THSD4: variants seen among roughly 807,000 people sequenced by gnomAD.
THSD4 encodes the protein thrombospondin type-1 domain-containing protein 4.
In THSD4, 69 loss-of-function variants were observed where a neutral mutation model predicts 119.0. That is an observed-to-expected ratio of 0.58 (90% CI 0.48 to 0.71). The LOEUF (loss-of-function observed/expected upper bound fraction) is 0.71, where lower values mean the gene tolerates loss of function less well. Among genes scored for constraint, THSD4 ranks in the 30% least tolerant of loss-of-function variants. THSD4 has a pLI of 0.00. For missense variants in THSD4, 1,393 were observed against 1,391.1 expected, an observed-to-expected ratio of 1.00 and a Z score of -0.02; for synonymous variants, 524 against 540.4, an observed-to-expected ratio of 0.97 and a Z score of 0.42.
chr15:71,185,522 A>G (rs1438346466), intron 3 of THSD4: 1 of 147,440 alleles, frequency 6.8e-6, no homozygotes, highest in Non-Finnish European at 1.5e-5. Flanking sequence ...AGTGAAAAAA[A>G]TAACAACAAT....
At chr15:71,104,263 T>C (rs1023856897) in intron 1 of THSD4, among the ~76,000 whole-genome samples, 2 of 129,748 alleles carry the variant, frequency 1.5e-5, no homozygotes, top group African/African-American at 5.8e-5. Flanking sequence ...CAATAACTCT[T>C]TATTATATGG....
intron 7 of THSD4, among the ~76,000 whole-genome samples, chr15:71,470,684 G>A (rs974826933): frequency 1.3e-5 from 2 of 151,104 alleles, no homozygotes; most frequent in East Asian, 1.9e-4. Context: ...GCCAGACTGC[G>A]GACTGCAGTG....
intron 6 of THSD4, among the ~76,000 whole-genome samples, chr15:71,329,496 C>T (rs62015510): frequency 0.011 from 1,706 of 152,286 alleles, 18 homozygotes; most frequent in Non-Finnish European, 0.017. Context: ...TCCTTTGCTG[C>T]CTCCTTAACA....
chr15:71,156,384 A>G (rs960775384), intron 3 of THSD4, among the ~76,000 whole-genome samples: 1 of 151,882 alleles, frequency 6.6e-6, no homozygotes, highest in African/African-American at 2.4e-5. Flanking sequence ...CATCCTCCCA[A>G]GTAGCTGAGA....
intron 7 of THSD4, among the ~76,000 whole-genome samples, chr15:71,459,376 CTCTG>C (rs780591698): frequency 1.5e-4 from 16 of 109,130 alleles, no homozygotes; most frequent in South Asian, 9.6e-4. Context: ...CTCTCTGTCT[CTCTG>C]TCTCTCTCTC....
intron 6 of THSD4, among the ~76,000 whole-genome samples, chr15:71,390,742 G>A: frequency 6.6e-6 from 1 of 151,156 alleles, no homozygotes; most frequent in Middle Eastern, 3.2e-3. Context: ...TGGGATTACT[G>A]TCAGAAAAAA....
intron 7 of THSD4, among the ~76,000 whole-genome samples, chr15:71,583,393 G>A (rs150489205): frequency 5.3e-5 from 8 of 150,302 alleles, no homozygotes; most frequent in Admixed American, 5.3e-4. Context: ...TGTTTTTCTA[G>A]TTTTATTTCA....
intron 8 of THSD4, among the ~76,000 whole-genome samples, chr15:71,696,167 A>G (rs929914815): frequency 1.3e-5 from 2 of 152,224 alleles, no homozygotes; most frequent in Non-Finnish European, 2.9e-5. Flanking sequence ...ATTTATAAAG[A>G]AAAGAGGTTT....
intron 6 of THSD4, among the ~76,000 whole-genome samples, chr15:71,318,412 AT>A (rs2045220870): frequency 6.6e-6 from 1 of 152,184 alleles, no homozygotes; most frequent in South Asian, 2.1e-4. Flanking sequence ...CACCTGGGAC[AT>A]TTGTTCCTTT....
chr15:71,741,772 C>A (rs139218263), intron 11 of THSD4, among the ~76,000 whole-genome samples: 25 of 152,192 alleles, frequency 1.6e-4, no homozygotes, highest in African/African-American at 6.0e-4. Context: ...ATGTCTAGCT[C>A]TTCTTTACCC....
At chr15:71,237,465 T>C (rs2044114713) in intron 4 of THSD4, among the ~76,000 whole-genome samples, 1 of 152,170 alleles carries the variant, frequency 6.6e-6, no homozygotes, top group Non-Finnish European at 1.5e-5. Flanking sequence ...GGAGGAAAGA[T>C]GGTCAATCCG....
chr15:71,265,497 G>A (rs1430822144), intron 6 of THSD4, among the ~76,000 whole-genome samples: 1 of 152,122 alleles, frequency 6.6e-6, no homozygotes, highest in Non-Finnish European at 1.5e-5. Context: ...CACCACCAGG[G>A]CCCTGGGTTT....
intron 1 of THSD4, among the ~76,000 whole-genome samples, chr15:71,122,523 C>T (rs531464208): frequency 2.5e-4 from 38 of 152,300 alleles, no homozygotes; most frequent in African/African-American, 9.1e-4. Context: ...TCTTCTTGGC[C>T]TCTTTCACAT....
At chr15:71,398,520 G>A (rs930578642) in intron 6 of THSD4, among the ~76,000 whole-genome samples, 1 of 151,820 alleles carries the variant, frequency 6.6e-6, no homozygotes, top group African/African-American at 2.4e-5. Context: ...GGAGTGAAAG[G>A]GAGGAGGAGA....
In THSD4 at chr15:71,780,501, C is replaced by G; in HGVS notation, c.*3127C>G. Reference sequence around the variant, plus strand: ...GTTCTCTCTGTAGAAAAGGGATGGCCTAAGAAATACAACTAAAAAAACAAA... The same window carrying G: ...GTTCTCTCTGTAGAAAAGGGATGGCGTAAGAAATACAACTAAAAAAACAAA... On this transcript the variant is annotated 3_prime_UTR_variant, in exon 18 of 18. Transcript: ENST00000261862. 3.4e-6 allele frequency: 1 copy of G among 297,082 alleles called. No homozygotes were observed. Among genetic ancestry groups the G allele is most frequent in the South Asian group, 3.2e-5 (1 of 31,154 alleles). 18.4% of individuals were successfully genotyped at this position (297,082 alleles called of 1,614,324 possible).
intron 8 of THSD4, among the ~76,000 whole-genome samples, chr15:71,696,587 G>A (rs141673559): frequency 1.4e-3 from 208 of 152,278 alleles, no homozygotes; most frequent in African/African-American, 4.7e-3. Context: ...CCAATTAGCT[G>A]AAGATAATGG....
chr15:71,374,419 A>G (rs1007482727), intron 6 of THSD4, among the ~76,000 whole-genome samples: 1 of 152,230 alleles, frequency 6.6e-6, no homozygotes, highest in Admixed American at 6.5e-5. Flanking sequence ...TATCCCATCT[A>G]AAGTGGCACA....
chr15:71,602,598 C>G (rs1262854111), intron 7 of THSD4, among the ~76,000 whole-genome samples: 1 of 139,368 alleles, frequency 7.2e-6, no homozygotes, highest in Non-Finnish European at 1.6e-5. Flanking sequence ...GAAAAACAGT[C>G]TCTATCCCCA....
chr15:71,437,805 T>C (rs755259502), intron 7 of THSD4, among the ~76,000 whole-genome samples: 8 of 152,244 alleles, frequency 5.3e-5, no homozygotes, highest in Non-Finnish European at 1.2e-4. Context: ...CCGAAGTGGT[T>C]GAAACAACTA....
Sources: gnomAD v4.1 joint callset for allele counts (sites outside exome capture counted in the v4.1 genomes callset) on GRCh38, gnomAD v4.1.1 for gene constraint, MANE v1.5 for transcripts, NCBI Gene and HGNC (gene_info 2026-07-23, HGNC 2026-07-21) for gene names.